Variants in PTCHD4 observed in about 807,000 individuals in gnomAD.
PTCHD4 encodes the protein patched domain-containing protein 4.
Under a neutral mutation model 58.1 loss-of-function variants are expected in PTCHD4, and 33 were observed. The ratio of observed to expected loss-of-function variants is 0.57; its 90% confidence interval spans 0.43 to 0.76. The LOEUF (loss-of-function observed/expected upper bound fraction) is 0.76, where lower values mean the gene tolerates loss of function less well. PTCHD4 is among the 30% of genes least tolerant of loss of function. PTCHD4 has a pLI of 0.00. For missense variants in PTCHD4, 1,058 were observed against 1,027.1 expected (o/e 1.03, Z -0.41); for synonymous variants, 478 against 409.6 (o/e 1.17, Z -2.02).
Position 48,069,185 on chromosome 6 carries a change from C to A in PTCHD4, c.-228G>T, listed in dbSNP as rs1764919778. Reference sequence around the variant, plus strand: ...GGGAGAGGAGGGAGAAGGGCGGGAGCACGTTGGGGGTGGGGGGGCAGATAA... The same window carrying A: ...GGGAGAGGAGGGAGAAGGGCGGGAGAACGTTGGGGGTGGGGGGGCAGATAA... On this transcript the variant is annotated 5_prime_UTR_variant, in exon 2 of 5. Coordinates refer to ENST00000339488, the MANE Select transcript of PTCHD4 (RefSeq NM_001384253.1). Among the ~76,000 whole-genome samples, 1 of 65,624 alleles carries A rather than the reference C, an allele frequency of 1.5e-5. No individual in the cohort carries two copies. Among genetic ancestry groups the A allele is most frequent in the Non-Finnish European group, 2.9e-5 (1 of 34,574 alleles). 43.1% of individuals were successfully genotyped at this position (65,624 alleles called of 152,430 possible).
At chr6:48,031,021 A>G (rs1249747128) in intron 3 of PTCHD4, among the ~76,000 whole-genome samples, 2 of 152,104 alleles carry the variant, frequency 1.3e-5, no homozygotes, top group African/African-American at 2.4e-5. Flanking sequence ...CTTTTCCTGA[A>G]CAAAAGGCGA....
intron 3 of PTCHD4, among the ~76,000 whole-genome samples, chr6:48,019,819 C>T (rs1193978924): frequency 6.6e-6 from 1 of 152,026 alleles, no homozygotes; most frequent in Non-Finnish European, 1.5e-5. Context: ...AATCGCCTAA[C>T]TTAGTGGGTA....
chr6:47,989,617 A>T (rs796495170), intron 4 of PTCHD4, among the ~76,000 whole-genome samples: 1 of 152,334 alleles, frequency 6.6e-6, no homozygotes, highest in Admixed American at 6.5e-5. Context: ...GGAGGCCCCA[A>T]GCCTTGGCAG....
intron 4 of PTCHD4, among the ~76,000 whole-genome samples, chr6:48,003,493 C>T (rs1768818102): frequency 6.6e-6 from 1 of 152,066 alleles, no homozygotes; most frequent in African/African-American, 2.4e-5. Context: ...AATATTTATC[C>T]TGAGTCTAAT....
intron 3 of PTCHD4, among the ~76,000 whole-genome samples, chr6:48,013,351 C>G (rs1388871973): frequency 1.4e-5 from 2 of 147,764 alleles, no homozygotes; most frequent in Admixed American, 1.4e-4. Context: ...TCTAAAGGAA[C>G]AATCCAATAA....
chr6:48,082,407 A>G (rs973864287), intron 1 of PTCHD4, among the ~76,000 whole-genome samples: 1 of 152,220 alleles, frequency 6.6e-6, no homozygotes, highest in Non-Finnish European at 1.5e-5. Flanking sequence ...CTGATCTGTG[A>G]ACTGGAATAA....
chr6:48,015,583 G>A (rs1267256710), intron 3 of PTCHD4, among the ~76,000 whole-genome samples: 2 of 151,798 alleles, frequency 1.3e-5, no homozygotes, highest in African/African-American at 4.9e-5. Context: ...CTTCTGCCAA[G>A]ACTACTTCCT....
intron 4 of PTCHD4, among the ~76,000 whole-genome samples, chr6:47,951,887 C>T (rs1766667805): frequency 6.6e-6 from 1 of 151,980 alleles, no homozygotes; most frequent in Non-Finnish European, 1.5e-5. Flanking sequence ...TATTATATAA[C>T]ATACCAAGAT....
At position 48,008,717 on chromosome 6, in the gene PTCHD4, G is replaced by A; in HGVS notation, c.815C>T (p.Ser272Phe). 6.2e-7 allele frequency: 1 copy of A among 1,613,884 alleles called. No individual in the cohort carries two copies. The highest frequency in any genetic ancestry group is 1.3e-5 in the African/African-American group (1 of 75,072). The change falls in exon 4 of 5, where the codon TCC becomes TTC. Residue 272 changes from serine (S) to phenylalanine (F), a missense_variant. Coordinates refer to ENST00000339488, the MANE Select transcript of PTCHD4 (RefSeq NM_001384253.1). ...GLLGVLTVCI[S>F]IITAAGIFFI... ...GAAGATCCCTGCTGCTGTGATGATG[G>A]AGATGCATACTGTGAGCACCCCCAG... is the stretch of plus-strand genomic sequence containing the variant.
intron 4 of PTCHD4, among the ~76,000 whole-genome samples, chr6:47,915,122 T>G (rs1765203829): frequency 6.6e-6 from 1 of 152,128 alleles, no homozygotes; most frequent in Non-Finnish European, 1.5e-5. Context: ...TAATTAATTG[T>G]CACAGGCTTT....
Position 48,111,043 on chromosome 6 carries a change from C to T in PTCHD4, c.-970+6G>A, listed in dbSNP as rs907031880. 6.6e-6 allele frequency among the ~76,000 whole-genome samples: 1 copy of T among 151,900 alleles called. No homozygotes were observed. Among genetic ancestry groups the T allele is most frequent in the African/African-American group, 2.4e-5 (1 of 41,342 alleles). ...TTGCTTGGAGGCTGATGTGGGGTTC[C>T]CTTACCTTCTGGCTTTCGGTTTGGA... On this transcript the variant is annotated splice_donor_region_variant and intron_variant, in intron 1 of 4. Transcript: ENST00000339488.
intron 4 of PTCHD4, among the ~76,000 whole-genome samples, chr6:47,912,375 G>A (rs796970071): frequency 1.3e-4 from 19 of 151,774 alleles, no homozygotes; most frequent in African/African-American, 4.6e-4. Context: ...GAAGTTCTCA[G>A]TTGGACAGGT....
Position 47,955,871 on chromosome 6 carries a change from C to T in PTCHD4, c.898+52763G>A, listed in dbSNP as rs540015773. ...TGGATTTGAGGGCAGGAGGCCTGTC[C>T]TGTTCCTTTCCAAGTCCCATGGTAT... On this transcript the variant is annotated intron_variant, in intron 4 of 4. Coordinates refer to ENST00000339488, the MANE Select transcript of PTCHD4 (RefSeq NM_001384253.1). Among the ~76,000 whole-genome samples the T allele has an allele frequency of 2.2e-4, 33 of 152,290 alleles. No individual in the cohort carries two copies. The South Asian group carries it at 6.8e-3, about 32-fold the overall frequency.
chr6:48,016,238 A>C (rs2114100631), intron 3 of PTCHD4, among the ~76,000 whole-genome samples: 1 of 152,108 alleles, frequency 6.6e-6, no homozygotes, highest in Admixed American at 6.5e-5. Flanking sequence ...ACCTGAAGGG[A>C]GTAATAGGAT....
intron 4 of PTCHD4, among the ~76,000 whole-genome samples, chr6:47,949,294 G>A (rs965607634): frequency 5.9e-5 from 9 of 152,192 alleles, no homozygotes; most frequent in Admixed American, 5.9e-4. Context: ...GTCAGATGAA[G>A]CTTGCTGAAC....
At position 47,873,826 on chromosome 6, in the gene PTCHD4, T is replaced by C. The variant is rs566407008; in HGVS notation, c.*4477A>G. Reference sequence around the variant, plus strand: ...TCATAAAATTGTCACAAAATTTTGGTAATTGAGAAAAAGCTAAAACTTTTT... The same window carrying C: ...TCATAAAATTGTCACAAAATTTTGGCAATTGAGAAAAAGCTAAAACTTTTT... On this transcript the variant is annotated 3_prime_UTR_variant, in exon 5 of 5. Transcript: ENST00000339488. 7.9e-5 allele frequency among the ~76,000 whole-genome samples: 12 copies of C among 151,840 alleles called. No homozygotes were observed. The South Asian group carries it at 2.3e-3, about 29-fold the overall frequency.
At chr6:48,099,642 A>C (rs1765555829) in intron 1 of PTCHD4, among the ~76,000 whole-genome samples, 1 of 152,208 alleles carries the variant, frequency 6.6e-6, no homozygotes, top group Non-Finnish European at 1.5e-5. Context: ...GCAATGGGGA[A>C]ATAATTACGA....
intron 1 of PTCHD4, among the ~76,000 whole-genome samples, chr6:48,099,744 G>C (rs1765557990): frequency 6.6e-6 from 1 of 152,188 alleles, no homozygotes; most frequent in Non-Finnish European, 1.5e-5. Flanking sequence ...TGAGCTTCTA[G>C]GCTATGCTGT....
At chr6:48,077,253 C>T (rs771568814) in intron 1 of PTCHD4, among the ~76,000 whole-genome samples, 1 of 152,188 alleles carries the variant, frequency 6.6e-6, no homozygotes, top group Non-Finnish European at 1.5e-5. Flanking sequence ...TGGGAATGAT[C>T]AATGTGGCAC....
Sources: allele counts gnomAD v4.1 joint callset (sites outside exome capture counted in the v4.1 genomes callset), GRCh38; gene constraint gnomAD v4.1.1; transcripts MANE v1.5; gene names NCBI Gene and HGNC (gene_info 2026-07-23, HGNC 2026-07-21).